Variants in DLG2 observed in about 807,000 individuals in gnomAD.
DLG2 encodes the protein discs large MAGUK scaffold protein 2, also known as disks large homolog 2.
Under a neutral mutation model 132.5 loss-of-function variants are expected in DLG2, and 45 were observed. The ratio of observed to expected loss-of-function variants is 0.34; its 90% CI spans 0.27 to 0.44. DLG2 has a LOEUF of 0.44. Ranked by LOEUF, DLG2 falls within the 20% of genes least tolerant of loss-of-function variation. DLG2 has a pLI of 1.00. For missense variants in DLG2, 1,045 were observed against 1,196.9 expected, an observed-to-expected ratio of 0.87 and a Z score of 1.87; for synonymous variants, 424 against 419.6, an observed-to-expected ratio of 1.01 and a Z score of -0.13.
At chr11:84,532,565 G>A (rs565363861) in intron 7 of DLG2, among the ~76,000 whole-genome samples, 17 of 152,184 alleles carry the variant, frequency 1.1e-4, no homozygotes, top group African/African-American at 3.6e-4. Flanking sequence ...GCGTGATCAT[G>A]GCTTACTCCA....
Position 85,598,708 on chromosome 11 carries a change from C to T in DLG2, c.-12G>A. 1.3e-6 allele frequency: 2 copies of T among 1,578,068 alleles called. No individual in the cohort carries two copies. Among genetic ancestry groups the T allele is most frequent in the Admixed American group, 1.8e-5 (1 of 54,206 alleles). On this transcript the variant is annotated 5_prime_UTR_variant, in exon 3 of 28. Transcript: ENST00000376104. ...TTAAAGATACCCATCACCTTTTTAACCGCATTTTTCAACAGCTGCTCCTCT... is the reference window on the plus strand; with the variant it reads ...TTAAAGATACCCATCACCTTTTTAATCGCATTTTTCAACAGCTGCTCCTCT...
At chr11:84,512,826 C>A (rs138102061) in intron 7 of DLG2, among the ~76,000 whole-genome samples, 39 of 152,108 alleles carry the variant, frequency 2.6e-4, no homozygotes, top group Admixed American at 4.6e-4. Flanking sequence ...AATGAGATCA[C>A]GTCCTTTGCA....
intron 6 of DLG2, among the ~76,000 whole-genome samples, chr11:84,813,218 G>A (rs1239461372): frequency 1.3e-5 from 2 of 151,948 alleles, no homozygotes; most frequent in Non-Finnish European, 1.5e-5. Flanking sequence ...ATGTAGGCCT[G>A]AGGAGTGGTC....
intron 7 of DLG2, among the ~76,000 whole-genome samples, chr11:84,479,301 T>C (rs773322698): frequency 2.0e-5 from 3 of 152,108 alleles, no homozygotes; most frequent in Non-Finnish European, 4.4e-5. Context: ...CTATTTCTCT[T>C]AGGTTTGAGT....
intron 19 of DLG2, among the ~76,000 whole-genome samples, chr11:83,567,959 G>T (rs554997883): frequency 3.3e-5 from 5 of 152,182 alleles, no homozygotes; most frequent in African/African-American, 1.2e-4. Context: ...GGAAATGAGG[G>T]ACTCTTTCTC....
intron 11 of DLG2, among the ~76,000 whole-genome samples, chr11:84,023,354 A>T (rs2095449162): frequency 6.6e-6 from 1 of 152,150 alleles, no homozygotes; most frequent in South Asian, 2.1e-4. Flanking sequence ...TTGAGCAATA[A>T]CTGGGTTAAT....
At chr11:85,613,302 C>A (rs1328124025) in intron 2 of DLG2, among the ~76,000 whole-genome samples, 1 of 152,132 alleles carries the variant, frequency 6.6e-6, no homozygotes, top group Non-Finnish European at 1.5e-5. Context: ...CTACTGAGGA[C>A]CCCTGGACTG....
intron 18 of DLG2, among the ~76,000 whole-genome samples, chr11:83,668,713 ATGTGT>A (rs2076204055): frequency 9.1e-6 from 1 of 109,600 alleles, no homozygotes; most frequent in Non-Finnish European, 1.8e-5. Flanking sequence ...ACACATATAT[ATGTGT>A]ATATAAACAC....
chr11:84,236,554 TA>T (rs2097160700), intron 8 of DLG2, among the ~76,000 whole-genome samples: 1 of 152,222 alleles, frequency 6.6e-6, no homozygotes. Flanking sequence ...TTACAACTCA[TA>T]AATGGTGACA....
intron 5 of DLG2, among the ~76,000 whole-genome samples, chr11:85,147,982 T>G (rs1020558272): frequency 6.6e-6 from 1 of 151,996 alleles, no homozygotes; most frequent in Non-Finnish European, 1.5e-5. Flanking sequence ...CAACTCCAGC[T>G]GATGAATGAG....
chr11:84,425,755 A>C (rs1601894791), intron 7 of DLG2, among the ~76,000 whole-genome samples: 1 of 152,154 alleles, frequency 6.6e-6, no homozygotes, highest in East Asian at 1.9e-4. Context: ...AAAACAGAAA[A>C]GAGAAAGTGG....
chr11:85,034,741 C>T (rs750828963), intron 6 of DLG2, among the ~76,000 whole-genome samples: 4 of 152,078 alleles, frequency 2.6e-5, no homozygotes, highest in African/African-American at 4.8e-5. Context: ...AGTTTCAGGG[C>T]GATCCTGTGG....
intron 7 of DLG2, among the ~76,000 whole-genome samples, chr11:84,346,494 C>T (rs2098539840): frequency 6.6e-6 from 1 of 152,182 alleles, no homozygotes; most frequent in Non-Finnish European, 1.5e-5. Context: ...TGTGATTAAG[C>T]TGGGATTTGA....
intron 6 of DLG2, among the ~76,000 whole-genome samples, chr11:84,680,709 T>C (rs1015954009): frequency 3.3e-5 from 5 of 152,204 alleles, no homozygotes; most frequent in Non-Finnish European, 2.9e-5. Context: ...AAAGGTAGCC[T>C]CTCCATAGAG....
chr11:84,956,528 C>T (rs758738627), intron 6 of DLG2, among the ~76,000 whole-genome samples: 1 of 152,170 alleles, frequency 6.6e-6, no homozygotes, highest in Non-Finnish European at 1.5e-5. Flanking sequence ...AGATCACATG[C>T]TAAGCCTAGG....
chr11:84,382,630 C>A (rs1311164955), intron 7 of DLG2, among the ~76,000 whole-genome samples: 1 of 152,082 alleles, frequency 6.6e-6, no homozygotes, highest in Non-Finnish European at 1.5e-5. Flanking sequence ...TTTATCATAA[C>A]CATTTGTCCT....
chr11:84,035,426 T>C (rs540178300), intron 11 of DLG2, among the ~76,000 whole-genome samples: 4 of 152,312 alleles, frequency 2.6e-5, no homozygotes, highest in African/African-American at 9.6e-5. Context: ...AATAAAGCCC[T>C]TAATAAAGAG....
intron 3 of DLG2, chr11:85,452,176 T>C (rs1231965381): frequency 9.9e-5 from 15 of 152,076 alleles, no homozygotes; most frequent in Admixed American, 6.6e-4. Context: ...CAATGAACCA[T>C]AGAATGTGTG....
At chr11:84,606,876 C>A (rs755479313) in intron 6 of DLG2, among the ~76,000 whole-genome samples, 14 of 152,092 alleles carry the variant, frequency 9.2e-5, no homozygotes, top group Non-Finnish European at 2.1e-4. Flanking sequence ...CAATCCCTTC[C>A]CCCCTGGAAA....
Sources: gnomAD v4.1 joint callset for allele counts (sites outside exome capture counted in the v4.1 genomes callset) on GRCh38, gnomAD v4.1.1 for gene constraint, MANE v1.5 for transcripts, NCBI Gene and HGNC (gene_info 2026-07-23, HGNC 2026-07-21) for gene names.